OPCML: variants seen among roughly 807,000 people sequenced by gnomAD.
The protein encoded by OPCML is opioid-binding protein/cell adhesion molecule.
A neutral mutation model predicts 37.8 loss-of-function variants in OPCML; 13 were observed. The ratio of observed to expected loss-of-function variants is 0.34; its 90% CI spans 0.22 to 0.55. OPCML has a LOEUF of 0.55. OPCML is among the 20% of genes least tolerant of loss of function. The pLI, the probability that OPCML is intolerant of heterozygous loss-of-function variation, is 0.91. For missense variants in OPCML, 341 were observed against 435.6 expected (o/e 0.78, Z 1.93); for synonymous variants, 176 against 168.8 (o/e 1.04, Z -0.33).
intron 2 of OPCML, among the ~76,000 whole-genome samples, chr11:132,659,492 G>A (rs1400603001): frequency 6.6e-6 from 1 of 152,194 alleles, no homozygotes; most frequent in Non-Finnish European, 1.5e-5. Context: ...AGGGCGTGAT[G>A]TTCCAGTCGC....
intron 3 of OPCML, among the ~76,000 whole-genome samples, chr11:132,579,118 T>C (rs369757902): frequency 2.0e-5 from 3 of 152,178 alleles, no homozygotes; most frequent in African/African-American, 7.2e-5. Flanking sequence ...GGGAGGCCTA[T>C]ATTAATCAAA....
In OPCML at chr11:133,505,029, G is replaced by A. The variant is rs974404882; in HGVS notation, c.61+27235C>T. 1.3e-4 allele frequency among the ~76,000 whole-genome samples: 20 copies of A among 152,230 alleles called. 1 individual carries two copies. The highest frequency in any genetic ancestry group is 4.8e-4 in the African/African-American group (20 of 41,464). On this transcript the variant is annotated intron_variant, in intron 1 of 7. Transcript: ENST00000524381. ...ATGTAGCAGGCACAGGGGCTGAGCA[G>A]CAGGCTTTCGGGCCATGCAGAGGTC...
intron 7 of OPCML, among the ~76,000 whole-genome samples, chr11:132,422,227 A>T (rs1252635335): frequency 6.6e-6 from 1 of 152,202 alleles, no homozygotes; most frequent in Non-Finnish European, 1.5e-5. Context: ...TATAGGAGTC[A>T]TTCTATCCCA....
rs568769060 is a variant in OPCML, at chr11:133,177,048, C to T, written c.62-234038G>A. 3.7e-4 allele frequency among the ~76,000 whole-genome samples: 57 copies of T among 152,336 alleles called. No individual in the cohort carries two copies. The highest frequency in any genetic ancestry group is 1.3e-3 in the African/African-American group (55 of 41,568). ...CATCCTGCCAGCGGGACCCTGGCAA[C>T]ACCAAGTTGCTCAGCACCTTCAGAG... On this transcript the variant is annotated intron_variant, in intron 1 of 7. Transcript: ENST00000524381. The surrounding 1 kb of genome is among the most constrained non-coding windows in gnomAD (Gnocchi z 5.0).
At chr11:132,545,607 T>C (rs989384551) in intron 3 of OPCML, among the ~76,000 whole-genome samples, 1 of 152,234 alleles carries the variant, frequency 6.6e-6, no homozygotes, top group Non-Finnish European at 1.5e-5. Flanking sequence ...CCTTTATTCC[T>C]ACAGATTTGT....
chr11:132,612,147 CAAG>C (rs1297162378), intron 3 of OPCML, among the ~76,000 whole-genome samples: 4 of 152,126 alleles, frequency 2.6e-5, no homozygotes, highest in Non-Finnish European at 4.4e-5. Context: ...TATATTTCAT[CAAG>C]AAGAATGTAG....
intron 3 of OPCML, among the ~76,000 whole-genome samples, chr11:132,569,044 A>G (rs2137550720): frequency 6.6e-6 from 1 of 152,346 alleles, no homozygotes; most frequent in African/African-American, 2.4e-5. Context: ...TGCAGTGGGA[A>G]AGGCATGGGG....
chr11:132,984,840 T>C (rs1419350013), intron 1 of OPCML, among the ~76,000 whole-genome samples: 4 of 152,182 alleles, frequency 2.6e-5, no homozygotes, highest in Non-Finnish European at 5.9e-5. Flanking sequence ...CCCAGTAGTG[T>C]TCTGTTCACC....
chr11:133,022,174 C>G (rs1369346860), intron 1 of OPCML, among the ~76,000 whole-genome samples: 1 of 152,096 alleles, frequency 6.6e-6, no homozygotes, highest in Admixed American at 6.5e-5. Context: ...ACACATTTTT[C>G]TGGAGATAGT....
intron 4 of OPCML, among the ~76,000 whole-genome samples, chr11:132,470,997 G>A (rs1451964410): frequency 6.6e-6 from 1 of 152,186 alleles, no homozygotes; most frequent in Non-Finnish European, 1.5e-5. Flanking sequence ...CAAGTTTCTT[G>A]GAGGCAGGAA....
intron 4 of OPCML, among the ~76,000 whole-genome samples, chr11:132,477,704 T>C (rs2136994126): frequency 6.6e-6 from 1 of 152,332 alleles, no homozygotes; most frequent in Non-Finnish European, 1.5e-5. Context: ...CTGGAGTGTG[T>C]GCTGTGTTTT....
chr11:133,377,157 C>T (rs1483603538), intron 1 of OPCML, among the ~76,000 whole-genome samples: 1 of 152,166 alleles, frequency 6.6e-6, no homozygotes, highest in Non-Finnish European at 1.5e-5. Flanking sequence ...GGTTGACGTG[C>T]TGCCTGAGGG....
chr11:132,497,552 G>T (rs2096235419), intron 4 of OPCML, among the ~76,000 whole-genome samples: 1 of 152,050 alleles, frequency 6.6e-6, no homozygotes, highest in African/African-American at 2.4e-5. Context: ...AAGCCTTCTG[G>T]GCAGAGAGCA....
intron 1 of OPCML, among the ~76,000 whole-genome samples, chr11:133,084,212 G>GT (rs1948784855): frequency 6.6e-6 from 1 of 152,152 alleles, no homozygotes; most frequent in African/African-American, 2.4e-5. Flanking sequence ...CAAACAACTA[G>GT]TAAGTGGCAG....
At position 132,436,659 on chromosome 11, in the gene OPCML, C is replaced by T; in HGVS notation, c.764G>A (p.Arg255Lys). 6.2e-7 allele frequency: 1 copy of T among 1,614,144 alleles called. No individual in the cohort carries two copies. Among genetic ancestry groups the T allele is most frequent in the Non-Finnish European group, 8.5e-7 (1 of 1,180,010 alleles). ...AEFQWFKEETRLATGLDGMRI... is the reference protein window; with the variant it reads ...AEFQWFKEETKLATGLDGMRI... ...TGTCCAGGTGTCATTTAAAAGGTACCTGGTTTCTTCCTTGAACCACTGGAA... is the reference window on the plus strand; with the variant it reads ...TGTCCAGGTGTCATTTAAAAGGTACTTGGTTTCTTCCTTGAACCACTGGAA... Residue 255 changes from arginine to lysine, a missense_variant and splice_region_variant, in exon 6 of 8, where the codon AGG becomes AAG. Physicochemically the swap from Arg to Lys is conservative, Grantham distance 26. Coordinates refer to ENST00000524381, the MANE Select transcript of OPCML (RefSeq NM_001012393.5).
intron 1 of OPCML, among the ~76,000 whole-genome samples, chr11:133,415,259 A>C (rs1306875645): frequency 6.6e-6 from 1 of 151,864 alleles, no homozygotes; most frequent in Non-Finnish European, 1.5e-5. Flanking sequence ...AAATACAAAA[A>C]ATTAGCCCGG....
intron 1 of OPCML, among the ~76,000 whole-genome samples, chr11:133,378,196 C>A (rs1311321031): frequency 6.6e-6 from 1 of 152,098 alleles, no homozygotes; most frequent in African/African-American, 2.4e-5. Context: ...TGACTTTTAT[C>A]TTTTCCTTCC....
intron 1 of OPCML, among the ~76,000 whole-genome samples, chr11:133,408,681 C>G (rs1435202455): frequency 2.0e-5 from 3 of 152,098 alleles, no homozygotes; most frequent in Admixed American, 6.5e-5. Flanking sequence ...GTACACATGC[C>G]TATCCACCTA....
intron 1 of OPCML, among the ~76,000 whole-genome samples, chr11:133,325,147 C>A (rs541440760): frequency 1.3e-3 from 196 of 152,330 alleles, no homozygotes; most frequent in African/African-American, 4.5e-3. Context: ...TCACTAGACT[C>A]CCTTCCTAAT....
Sources: gnomAD v4.1 joint callset for allele counts (sites outside exome capture counted in the v4.1 genomes callset) on GRCh38, gnomAD v4.1.1 for gene constraint, Gnocchi (gnomAD v3.1) non-coding constraint, MANE v1.5 for transcripts, NCBI Gene and HGNC (gene_info 2026-07-23, HGNC 2026-07-21) for gene names.